Variants in BBS2 observed in about 807,000 individuals in gnomAD.
BBS2 encodes BBSome complex member BBS2.
A neutral mutation model predicts 83.0 loss-of-function variants in BBS2; 62 were observed. That is an observed-to-expected ratio of 0.75 (90% CI 0.61 to 0.92). The LOEUF is 0.92. Ranked by LOEUF, BBS2 falls within the 40% of genes least tolerant of loss-of-function variation. The probability of loss-of-function intolerance (pLI) is 0.00; values close to 1 mark genes in which losing one functional copy is unlikely to be tolerated. For missense variants in BBS2, 784 were observed against 901.0 expected, an observed-to-expected ratio of 0.87 and a Z score of 1.66; for synonymous variants, 303 against 326.1, an observed-to-expected ratio of 0.93 and a Z score of 0.76.
chr16:56,502,503 G>A (rs938647199), intron 8 of BBS2, 47 bp from the exon 9 acceptor site: 3 of 1,613,752 alleles, frequency 1.9e-6, no homozygotes, highest in Non-Finnish European at 2.5e-6. Flanking sequence ...ATACTTTTAG[G>A]TCATCAATTA....
chr16:56,478,011 TGTA>T (rs1963552542), intron 17 of BBS2: 1 of 152,194 alleles, frequency 6.6e-6, no homozygotes, highest in South Asian at 2.1e-4. Context: ...ATTTTACACA[TGTA>T]GTAATATTAT....
downstream of BBS2, among the ~76,000 whole-genome samples, chr16:56,480,360 AAAAAAC>A (rs1263137566): frequency 3.6e-3 from 377 of 104,094 alleles, 3 homozygotes; most frequent in African/African-American, 0.014. Context: ...CACAAAAAAA[AAAAAAC>A]AAAAAAAAAA....
intron 1 of BBS2, chr16:56,519,490 C>G: frequency 2.0e-6 from 1 of 503,522 alleles, no homozygotes; most frequent in Non-Finnish European, 3.6e-6. Context: ...CTTTTCTAAG[C>G]TCCCTATGTC....
At chr16:56,511,007 C>T in intron 3 of BBS2, 86 bp from the exon 4 acceptor site, 2 of 1,569,990 alleles carry the variant, frequency 1.3e-6, no homozygotes, top group South Asian at 1.1e-5. Flanking sequence ...GAGGATTACA[C>T]AAAACACGAA....
intron 15 of BBS2, among the ~76,000 whole-genome samples, chr16:56,494,099 C>T (rs1011239665): frequency 6.6e-6 from 1 of 151,248 alleles, no homozygotes; most frequent in South Asian, 2.1e-4. Flanking sequence ...ACTAGGACTA[C>T]AGGCATGCAC....
At chr16:56,501,119 G>T (rs1458069211) in intron 10 of BBS2, 94 bp from the exon 11 acceptor site, 8 of 1,443,496 alleles carry the variant, frequency 5.5e-6, no homozygotes, top group Non-Finnish European at 7.8e-6. Flanking sequence ...GACCATCTTG[G>T]CTAACACGGT....
chr16:56,470,853 T>TCA (rs1963138569), intron 17 of BBS2: 2 of 1,435,046 alleles, frequency 1.4e-6, no homozygotes, highest in East Asian at 2.4e-5. Context: ...AAACATGTAT[T>TCA]CATTCAACAA....
chr16:56,488,242 G>A (rs1282828848), intron 15 of BBS2, among the ~76,000 whole-genome samples: 1 of 152,048 alleles, frequency 6.6e-6, no homozygotes, highest in Non-Finnish European at 1.5e-5. Flanking sequence ...CACCAGCTGG[G>A]TGTCCTCCAA....
chr16:56,519,672 G>GA, intron 1 of BBS2, 74 bp downstream of exon 1: 1 of 1,263,162 alleles, frequency 7.9e-7, no homozygotes, highest in Non-Finnish European at 1.1e-6. Context: ...GAGGGGACGG[G>GA]ATCCCAGGGG....
At chr16:56,473,934 G>A (rs1963328108) in intron 17 of BBS2, among the ~76,000 whole-genome samples, 1 of 151,946 alleles carries the variant, frequency 6.6e-6, no homozygotes, top group African/African-American at 2.4e-5. Flanking sequence ...AGCCTCCTAA[G>A]TAGCTGGGAT....
At chr16:56,507,452 C>T (rs1470705154) in intron 5 of BBS2, among the ~76,000 whole-genome samples, 1 of 152,076 alleles carries the variant, frequency 6.6e-6, no homozygotes, top group South Asian at 2.1e-4. Context: ...TATTAACAAG[C>T]AATAAAAATC....
At chr16:56,497,119 A>C in intron 14 of BBS2, 40 bp from the exon 15 acceptor site, 3 of 1,282,476 alleles carry the variant, frequency 2.3e-6, no homozygotes, top group Non-Finnish European at 3.4e-6. Flanking sequence ...AAGGCCTCAC[A>C]AACTTCTTGA....
At position 56,502,789 on chromosome 16, in the gene BBS2, C is replaced by T. The variant is rs150572808; in HGVS notation, c.824G>A (p.Arg275Gln). The change falls in exon 8 of 17, where the codon CGA (arginine) becomes CAA (glutamine). Residue 275 changes from arginine to glutamine, a missense_variant. Transcript: ENST00000245157. Reference protein sequence around the residue: ...SNGKVDARSDRTGEVIFKDNF... With the variant: ...SNGKVDARSDQTGEVIFKDNF... ...GTCCTTAAAGATGACCTCCCCAGTTCGGTCACTTCGAGCATCAACCTACAA... is the reference window on the plus strand; with the variant it reads ...GTCCTTAAAGATGACCTCCCCAGTTTGGTCACTTCGAGCATCAACCTACAA... 8 of 1,614,032 alleles carry T rather than the reference C, an allele frequency of 5.0e-6. No homozygotes were observed. In the African/African-American group the frequency reaches 5.3e-5, roughly 11 times the overall value.
rs1963396284 is a variant in BBS2 at position 56,475,075 on chromosome 16, T to C, written c.*1-4380A>G. On this transcript the variant is annotated intron_variant, in intron 17 of 17. Transcript: ENST00000682047. ...TAGTTCAGAATCTCACATCATGGGA[T>C]CTCAAAGTCAAAGGGATTTTACGGG... The C allele has an allele frequency of 3.0e-6, 3 of 991,504 alleles. No individual in the cohort carries two copies. The Admixed American group carries it at 8.0e-5, about 26-fold the overall frequency. The allele number at this position is 991,504 out of a possible 1,614,324, so 61.4% of individuals were successfully genotyped here. A position where few individuals can be genotyped will look rare whatever the true frequency, so the allele number is the denominator to read the frequency against.
chr16:56,519,050 G>A (rs923552458), intron 1 of BBS2, among the ~76,000 whole-genome samples: 32 of 152,288 alleles, frequency 2.1e-4, no homozygotes, highest in African/African-American at 7.5e-4. Flanking sequence ...ACTGTGAAAG[G>A]CTGGGTGCAG....
rs1396342950 is a variant in BBS2, at chr16:56,476,277, G to A, written c.*1-5582C>T. On this transcript the variant is annotated intron_variant, in intron 17 of 17. Transcript: ENST00000682047. ...GGGAAGTCTGAAAGAGCTAAGCATG[G>A]AGTCAAGGAGAACTACATGGTAGCT... is the stretch of plus-strand genomic sequence containing the variant. 2.1e-6 allele frequency: 3 copies of A among 1,407,996 alleles called. No individual in the cohort carries two copies. The East Asian group carries it at 7.0e-5, about 33-fold the overall frequency. The allele number at this position is 1,407,996 out of a possible 1,614,324, so 87.2% of individuals were successfully genotyped here. A position where few individuals can be genotyped will look rare whatever the true frequency, so the allele number is the denominator to read the frequency against.
In BBS2 at chr16:56,500,847, G is replaced by C. The variant is rs771297840; in HGVS notation, c.1397+7C>G. The C allele has an allele frequency of 6.2e-7, 1 of 1,613,856 alleles. No individual in the cohort carries two copies. Among genetic ancestry groups the C allele is most frequent in the Non-Finnish European group, 8.5e-7 (1 of 1,179,878 alleles). ...CCTGAAATGAACTGTGACTTGCAAA[G>C]GGTCACCTGCTTCTGTAACCCACGA... On this transcript the variant is annotated splice_region_variant and intron_variant, in intron 11 of 16. Coordinates refer to ENST00000245157, the MANE Select transcript of BBS2 (RefSeq NM_031885.5).
At position 56,500,911 on chromosome 16, in the gene BBS2, G is replaced by A; in HGVS notation, c.1340C>T (p.Pro447Leu). 1 of 1,614,160 alleles carries A rather than the reference G, an allele frequency of 6.2e-7. No homozygotes were observed. The highest frequency in any genetic ancestry group is 1.1e-5 in the South Asian group (1 of 91,078). ...CAGATCCACAGGGACATCTTTGGGA[G>A]GCACAATAGGGATGCAGATGGAACT... ...LSSSICIPIV[P>L]PKDVPVDLHL... is the part of the protein sequence containing the mutation. The change falls in exon 11 of 17, where the codon CCT becomes CTT. Residue 447 changes from proline (P) to leucine (L), a missense_variant. Transcript: ENST00000245157.
intron 17 of BBS2, among the ~76,000 whole-genome samples, chr16:56,471,009 G>A (rs1322638827): frequency 6.6e-6 from 1 of 152,080 alleles, no homozygotes; most frequent in Non-Finnish European, 1.5e-5. Context: ...AAAACGTCAA[G>A]TAATGATAAG....
Sources: allele counts gnomAD v4.1 joint callset (sites outside exome capture counted in the v4.1 genomes callset), GRCh38; gene constraint gnomAD v4.1.1; transcripts MANE v1.5; gene names NCBI Gene and HGNC (gene_info 2026-07-23, HGNC 2026-07-21).